CNOT11: variants seen among roughly 807,000 people sequenced by gnomAD.
CNOT11 encodes the protein CCR4-NOT transcription complex subunit 11, also known as UPF0760 protein C2orf29.
A neutral mutation model predicts 44.6 loss-of-function variants in CNOT11; 18 were observed. That is an observed-to-expected ratio of 0.40 (90% CI 0.28 to 0.60). The LOEUF (loss-of-function observed/expected upper bound fraction) is 0.60, where lower values mean the gene tolerates loss of function less well. CNOT11 is among the 20% of genes least tolerant of loss of function. The probability of loss-of-function intolerance (pLI) is 0.38; values close to 1 mark genes in which losing one functional copy is unlikely to be tolerated. For missense variants in CNOT11, 513 were observed against 677.0 expected (o/e 0.76, Z 2.69); for synonymous variants, 291 against 270.9 (o/e 1.07, Z -0.73).
chr2:101,258,276 T>C (rs1346273304), intron 2 of CNOT11, among the ~76,000 whole-genome samples: 2 of 151,934 alleles, frequency 1.3e-5, no homozygotes, highest in Admixed American at 6.6e-5. Flanking sequence ...AGCACGCCTG[T>C]AATCCCAGCT....
In CNOT11 at chr2:101,264,862, T is replaced by A. The variant is rs1681944371; in HGVS notation, c.850T>A (p.Phe284Ile). ...PPIESHFRPE[F>I]IRPPPPLHIC... The stretch of plus-strand genomic sequence containing the variant: ...CATTACAGGCCATTTTCGACCAGAG[T>A]TTATTCGTCCACCGCCTCCACTCCA... The change falls in exon 4 of 7, where the codon TTT becomes ATT. Residue 284 changes from phenylalanine to isoleucine, a missense_variant. This residue lies in a region of CNOT11 where 140 missense variants were observed against 169.8 expected (regional missense o/e 0.82). Coordinates refer to ENST00000289382, the MANE Select transcript of CNOT11 (RefSeq NM_017546.5). 2 of 1,613,840 alleles carry A rather than the reference T, an allele frequency of 1.2e-6. No homozygotes were observed. The highest frequency in any genetic ancestry group is 2.2e-5 in the East Asian group (1 of 44,878).
chr2:101,261,063 G>A (rs556054399), intron 2 of CNOT11, among the ~76,000 whole-genome samples: 2 of 152,128 alleles, frequency 1.3e-5, no homozygotes, highest in Admixed American at 6.5e-5. Context: ...ATTTAGCCCC[G>A]TGTTTTTAAA....
chr2:101,257,022 C>T (rs1255099090), intron 1 of CNOT11, among the ~76,000 whole-genome samples: 1 of 151,568 alleles, frequency 6.6e-6, no homozygotes, highest in African/African-American at 2.4e-5. Context: ...GCACTCCAGC[C>T]TGGGCGACAG....
intron 1 of CNOT11, among the ~76,000 whole-genome samples, chr2:101,254,780 C>T (rs529975682): frequency 6.6e-6 from 1 of 152,100 alleles, no homozygotes; most frequent in Non-Finnish European, 1.5e-5. Flanking sequence ...CACCTGTAGC[C>T]CCAGCTGCTC....
At chr2:101,258,840 A>G (rs572023553) in intron 2 of CNOT11, among the ~76,000 whole-genome samples, 3 of 151,072 alleles carry the variant, frequency 2.0e-5, no homozygotes, top group East Asian at 1.9e-4. Context: ...AGAAAAATCC[A>G]TCTTTAAACC....
At chr2:101,258,035 T>C (rs999976157) in intron 2 of CNOT11, 80 bp downstream of exon 2, 2 of 1,361,534 alleles carry the variant, frequency 1.5e-6, no homozygotes, top group Admixed American at 2.3e-5. Flanking sequence ...TAAAATGATG[T>C]TTTTTGTAAC....
intron 2 of CNOT11, among the ~76,000 whole-genome samples, chr2:101,260,302 T>TAAAAAAAAAAAAAA (rs1191121879): frequency 2.0e-5 from 3 of 152,062 alleles, no homozygotes; most frequent in Non-Finnish European, 4.4e-5. Context: ...TTATAGTATT[T>TAAAAAAAAAAAAAA]AAATAGTAAT....
chr2:101,257,758 A>G (rs373325115), intron 1 of CNOT11, 33 bp from the exon 2 acceptor site: 16 of 1,577,364 alleles, frequency 1.0e-5, no homozygotes, highest in South Asian at 3.4e-5. Flanking sequence ...AAAAGTAACC[A>G]TTGGAGAAAT....
chr2:101,257,703 T>C (rs1573197825), intron 1 of CNOT11, 88 bp from the exon 2 acceptor site: 2 of 1,026,812 alleles, frequency 1.9e-6, no homozygotes, highest in East Asian at 4.8e-5. Flanking sequence ...TGGCTTGAAG[T>C]GGCAAGTAGC....
chr2:101,270,298 TTC>T lies in CNOT11; in HGVS notation c.*887_*888del, dbSNP rs908348191. 4.6e-5 allele frequency: 7 copies of T among 152,580 alleles called. No homozygotes were observed. Among genetic ancestry groups the T allele is most frequent in the Non-Finnish European group, 8.8e-5 (6 of 68,036 alleles). The allele number at this position is 152,580 out of a possible 1,614,324, so 9.5% of individuals were successfully genotyped here. A position where few individuals can be genotyped will look rare whatever the true frequency, so the allele number is the denominator to read the frequency against. The stretch of plus-strand genomic sequence containing the variant: ...TGGACAACAGTGCCTTCCATTAAAG[TTC>T]TTTTTATCAACTGTTATCTGATGTA... On this transcript the variant is annotated 3_prime_UTR_variant, in exon 7 of 7. Coordinates refer to ENST00000289382, the MANE Select transcript of CNOT11 (RefSeq NM_017546.5).
intron 4 of CNOT11, among the ~76,000 whole-genome samples, chr2:101,265,901 T>C (rs114824919): frequency 0.011 from 1,713 of 152,304 alleles, 37 homozygotes; most frequent in African/African-American, 0.04. Flanking sequence ...TTGCACACTT[T>C]TGAGTTAGAA....
chr2:101,266,785 T>TTGG lies in CNOT11; in HGVS notation c.1146_1147insGTG (p.Leu382_Leu383insVal). 1.2e-6 allele frequency: 2 copies of TTGG among 1,614,130 alleles called. No individual in the cohort carries two copies. Among genetic ancestry groups the TTGG allele is most frequent in the Non-Finnish European group, 1.7e-6 (2 of 1,179,976 alleles). On this transcript the variant is annotated inframe_insertion, in exon 5 of 7. Coordinates refer to ENST00000289382, the MANE Select transcript of CNOT11 (RefSeq NM_017546.5). Reference sequence around the variant, plus strand: ...CAACCCTTTAGTCGCTATAGAAATGTTGCTGAAATTAATGCAGTCAAGCCA... The same window carrying TTGG: ...CAACCCTTTAGTCGCTATAGAAATGTTGGTGCTGAAATTAATGCAGTCAAGCCA...
At chr2:101,259,359 A>C (rs1382287008) in intron 2 of CNOT11, among the ~76,000 whole-genome samples, 4 of 152,176 alleles carry the variant, frequency 2.6e-5, no homozygotes, top group Admixed American at 6.5e-5. Context: ...TTGTTCTGGC[A>C]CATTCTGTGT....
intron 2 of CNOT11, 148 bp from the exon 3 acceptor site, chr2:101,262,391 C>T: frequency 1.5e-6 from 1 of 653,036 alleles, no homozygotes; most frequent in South Asian, 2.2e-5. Flanking sequence ...TGAGGACCTG[C>T]TATACGTACA....
At chr2:101,258,529 C>T (rs529321289) in intron 2 of CNOT11, among the ~76,000 whole-genome samples, 21 of 151,836 alleles carry the variant, frequency 1.4e-4, no homozygotes, top group Middle Eastern at 6.8e-3. Flanking sequence ...TAGAAGAAAG[C>T]TGGATAAAAT....
intron 2 of CNOT11, among the ~76,000 whole-genome samples, chr2:101,258,994 CGT>C (rs2104363461): frequency 6.6e-6 from 1 of 151,912 alleles, no homozygotes; most frequent in African/African-American, 2.4e-5. Flanking sequence ...CTTAGCCGGG[CGT>C]GGTGGTGCAT....
Position 101,265,011 on chromosome 2 carries a change from C to A in CNOT11, c.999C>A (p.Ala333=), listed in dbSNP as rs1392743208. 6.2e-7 allele frequency: 1 copy of A among 1,613,992 alleles called. No homozygotes were observed. Among genetic ancestry groups the A allele is most frequent in the Non-Finnish European group, 8.5e-7 (1 of 1,179,896 alleles). ...GVEIKRIMAK[A]FKSPLSSPQQ... is the part of the protein sequence containing the mutation. ...AGATCAAACGAATAATGGCCAAAGC[C>A]TTCAAAAGCCCCTTATCCTCTCCCC... The change falls in exon 4 of 7, where the codon GCC becomes GCA. Residue 333 remains alanine (A), a synonymous_variant. Coordinates refer to ENST00000289382, the MANE Select transcript of CNOT11 (RefSeq NM_017546.5).
At chr2:101,262,957 C>T (rs1681902007) in intron 3 of CNOT11, among the ~76,000 whole-genome samples, 1 of 152,164 alleles carries the variant, frequency 6.6e-6, no homozygotes, top group South Asian at 2.1e-4. Context: ...CGCAGTGGCT[C>T]ACACCTGCAA....
intron 4 of CNOT11, 117 bp downstream of exon 4, chr2:101,265,164 G>A (rs1273932257): frequency 6.5e-6 from 4 of 614,498 alleles, no homozygotes; most frequent in African/African-American, 3.8e-5. Context: ...GCAGTGGCAC[G>A]ATCTCGGCTC....
Sources: allele counts gnomAD v4.1 joint callset (sites outside exome capture counted in the v4.1 genomes callset), GRCh38; gene constraint gnomAD v4.1.1; regional missense constraint gnomAD v4.1.1; transcripts MANE v1.5; gene names NCBI Gene and HGNC (gene_info 2026-07-23, HGNC 2026-07-21).